The following CASR variants were observed in gnomAD, a reference collection of about 807,000 sequenced individuals.
The protein encoded by CASR is calcium sensing receptor.
CASR carries 23 observed loss-of-function variants against 69.1 expected under a neutral mutation model. The observed-to-expected ratio is 0.33, with a 90% CI of 0.24 to 0.47. The LOEUF (loss-of-function observed/expected upper bound fraction) is 0.47. Among genes scored for constraint, CASR ranks in the 20% least tolerant of loss-of-function variants. The pLI is 1.00. For missense variants in CASR, 924 were observed against 1,356.1 expected (o/e 0.68, Z 5.00); for synonymous variants, 541 against 544.7 (o/e 0.99, Z 0.10).
At chr3:122,260,341 C>G (rs1278681605) in intron 3 of CASR, among the ~76,000 whole-genome samples, 1 of 152,232 alleles carries the variant, frequency 6.6e-6, no homozygotes, top group East Asian at 1.9e-4. Flanking sequence ...ACATCAAGGG[C>G]AAGACTTTCT....
At chr3:122,276,110 G>A (rs1168663088) in intron 5 of CASR, 68 bp downstream of exon 5, 3 of 1,057,374 alleles carry the variant, frequency 2.8e-6, no homozygotes, top group Non-Finnish European at 4.4e-6. Flanking sequence ...GGCTTTGGGA[G>A]GGCCTTTGGT....
At chr3:122,266,995 C>T (rs1166990301) in intron 4 of CASR, among the ~76,000 whole-genome samples, 1 of 152,170 alleles carries the variant, frequency 6.6e-6, no homozygotes, top group Non-Finnish European at 1.5e-5. Context: ...CAGAGCGAGA[C>T]TCCGTCTCAA....
In CASR at chr3:122,284,154, A is replaced by T. The variant is rs1286818613; in HGVS notation, c.2200A>T (p.Met734Leu). Residue 734 changes from methionine (M) to leucine (L), a missense_variant, in exon 7 of 7, where the codon ATG becomes TTG. Physicochemically the swap from Met to Leu is conservative, Grantham distance 15. Around this residue, in one of 8 missense-constraint regions of CASR, gnomAD observed 184 missense variants for 278.8 expected, o/e 0.66. Transcript: ENST00000639785. ...QFLLVFLCTF[M>L]QIVICVIWLY... ...CCTGCTGGTTTTCCTCTGCACCTTC[A>T]TGCAGATTGTCATCTGTGTGATCTG... 6.2e-7 allele frequency: 1 copy of T among 1,613,396 alleles called. No homozygotes were observed. Among genetic ancestry groups the T allele is most frequent in the Non-Finnish European group, 8.5e-7 (1 of 1,179,434 alleles).
intron 1 of CASR, among the ~76,000 whole-genome samples, chr3:122,226,527 G>A (rs1167336723): frequency 6.6e-6 from 1 of 152,168 alleles, no homozygotes; most frequent in African/African-American, 2.4e-5. Context: ...GTCTCGGGCA[G>A]CCTGCTTTTA....
At chr3:122,237,237 G>A (rs2074337446) in intron 1 of CASR, among the ~76,000 whole-genome samples, 1 of 151,204 alleles carries the variant, frequency 6.6e-6, no homozygotes, top group Non-Finnish European at 1.5e-5. Flanking sequence ...AGCCTCCCAA[G>A]TAGCTGGGAT....
chr3:122,241,724 A>C lies in CASR; in HGVS notation c.-242-12224A>C, dbSNP rs375809016. On this transcript the variant is annotated intron_variant, in intron 1 of 6. Transcript: ENST00000639785. Reference sequence around the variant, plus strand: ...AAAACCAGACAAAGACACACACACAAAAAAAAGAAAACTACAGGCCAACAT... The same window carrying C: ...AAAACCAGACAAAGACACACACACACAAAAAAGAAAACTACAGGCCAACAT... 2.6e-3 allele frequency among the ~76,000 whole-genome samples: 402 copies of C among 152,192 alleles called. 4 individuals carry two copies. Among genetic ancestry groups the C allele is most frequent in the African/African-American group, 6.7e-3 (278 of 41,562 alleles).
chr3:122,261,478 C>T (rs1315502253), intron 3 of CASR, 50 bp from the exon 4 acceptor site: 1 of 1,580,950 alleles, frequency 6.3e-7, no homozygotes. Flanking sequence ...TCACTCAGCA[C>T]CTCTTCACTC....
chr3:122,266,948 G>A (rs2074701780), intron 4 of CASR, among the ~76,000 whole-genome samples: 1 of 152,154 alleles, frequency 6.6e-6, no homozygotes, highest in Admixed American at 6.5e-5. Flanking sequence ...AAATTGCAGT[G>A]AGCCAAGATC....
rs564334353 is a variant in CASR, at chr3:122,191,824, C to T, written c.-243+8012C>T. 3.7e-3 allele frequency among the ~76,000 whole-genome samples: 569 copies of T among 152,144 alleles called. 3 individuals are homozygous for T. Among genetic ancestry groups the T allele is most frequent in the African/African-American group, 0.013 (541 of 41,506 alleles). On this transcript the variant is annotated intron_variant, in intron 1 of 6. Transcript: ENST00000639785. The stretch of plus-strand genomic sequence containing the variant: ...GAAGACAATCACATGGGTGGTGAAA[C>T]ATACAAATATTTTAACTTTTCTTCA...
Position 122,214,995 on chromosome 3 carries a change from G to A in CASR, c.-243+31183G>A, listed in dbSNP as rs148796403. ...AAGGGACTTAAAGCAGAGTTTTCCAGACTGCTAAGGAAGCAGGTAGAAGAA... is the reference window on the plus strand; with the variant it reads ...AAGGGACTTAAAGCAGAGTTTTCCAAACTGCTAAGGAAGCAGGTAGAAGAA... On this transcript the variant is annotated intron_variant, in intron 1 of 6. Transcript: ENST00000639785. 8.5e-5 allele frequency among the ~76,000 whole-genome samples: 13 copies of A among 152,354 alleles called. No individual in the cohort carries two copies. In the East Asian group the frequency reaches 2.3e-3, roughly 27 times the overall value.
intron 4 of CASR, among the ~76,000 whole-genome samples, chr3:122,269,179 T>C (rs2074727115): frequency 6.6e-6 from 1 of 152,232 alleles, no homozygotes; most frequent in Admixed American, 6.5e-5. Context: ...TTTTGTTTAT[T>C]TCAGTTTAGA....
At chr3:122,271,562 A>G (rs2074757856) in intron 4 of CASR, among the ~76,000 whole-genome samples, 1 of 152,220 alleles carries the variant, frequency 6.6e-6, no homozygotes, top group South Asian at 2.1e-4. Flanking sequence ...TTGGATTTTT[A>G]AAGTCCTTTT....
At chr3:122,188,537 T>A (rs1388716064) in intron 1 of CASR, among the ~76,000 whole-genome samples, 1 of 152,250 alleles carries the variant, frequency 6.6e-6, no homozygotes, top group Non-Finnish European at 1.5e-5. Context: ...GAAGAGCCCT[T>A]GACCATTTCT....
At chr3:122,211,924 G>A (rs6788470) in intron 1 of CASR, among the ~76,000 whole-genome samples, 110,109 of 151,938 alleles carry the variant, frequency 0.72, 40,126 homozygotes, top group Admixed American at 0.82. Flanking sequence ...ATGCTGATGA[G>A]GCTGTGGAGA....
chr3:122,254,015 C>T lies in CASR; in HGVS notation c.-175C>T, dbSNP rs1165175743. 3 of 712,622 alleles carry T rather than the reference C, an allele frequency of 4.2e-6. No individual in the cohort carries two copies. Among genetic ancestry groups the T allele is most frequent in the Non-Finnish European group, 7.5e-6 (3 of 400,588 alleles). The allele number at this position is 712,622 out of a possible 1,614,324, so 44.1% of individuals were successfully genotyped here. A position where few individuals can be genotyped will look rare whatever the true frequency, so the allele number is the denominator to read the frequency against. ...CTCAAGGACCACCCACATTACAAGT[C>T]TGGATTGAGGAAGGCAGAAATGGAG... On this transcript the variant is annotated 5_prime_UTR_variant, in exon 2 of 7. Coordinates refer to ENST00000639785, the MANE Select transcript of CASR (RefSeq NM_000388.4).
At position 122,283,671 on chromosome 3, in the gene CASR, C is replaced by A. The variant is rs200322449; in HGVS notation, c.1733-16C>A. The A allele has an allele frequency of 6.2e-7, 1 of 1,611,270 alleles. No individual in the cohort carries two copies. The highest frequency in any genetic ancestry group is 1.1e-5 in the South Asian group (1 of 91,006). ...GTGCCACACAATAACTCACTCTTCA[C>A]TGGGACATTTTACAGATGCCAGTGC... On this transcript the variant is annotated splice_polypyrimidine_tract_variant and intron_variant, in intron 6 of 6. Coordinates refer to ENST00000639785, the MANE Select transcript of CASR (RefSeq NM_000388.4).
rs144378998 is a variant in CASR at position 122,289,206 on chromosome 3, C to T, written c.*4015C>T. On this transcript the variant is annotated 3_prime_UTR_variant, in exon 7 of 7. Coordinates refer to ENST00000639785, the MANE Select transcript of CASR (RefSeq NM_000388.4). ...AATAATGGAACATCAATAAGGGGTG[C>T]TAATCACCGGAGGAGGTGGCCCTCA... 6.6e-6 allele frequency: 1 copy of T among 152,306 alleles called. No homozygotes were observed. The highest frequency in any genetic ancestry group is 1.9e-4 in the East Asian group (1 of 5,188). 9.4% of individuals were successfully genotyped at this position (152,306 alleles called of 1,614,324 possible). A position where few individuals can be genotyped will look rare whatever the true frequency, so the allele number is the denominator to read the frequency against.
intron 1 of CASR, among the ~76,000 whole-genome samples, chr3:122,252,137 A>G (rs926518951): frequency 1.2e-4 from 18 of 151,968 alleles, no homozygotes; most frequent in African/African-American, 4.3e-4. Context: ...CTATAAAAAA[A>G]TACATTTAAA....
chr3:122,210,770 A>C (rs1294814327), intron 1 of CASR, among the ~76,000 whole-genome samples: 1 of 152,184 alleles, frequency 6.6e-6, no homozygotes, highest in Non-Finnish European at 1.5e-5. Flanking sequence ...AAAAGAGCCC[A>C]TATAGCCAAA....
Sources: gnomAD v4.1 joint callset for allele counts (sites outside exome capture counted in the v4.1 genomes callset) on GRCh38, gnomAD v4.1.1 for gene constraint, gnomAD v4.1.1 regional missense constraint, MANE v1.5 for transcripts, NCBI Gene and HGNC (gene_info 2026-07-23, HGNC 2026-07-21) for gene names.